SLC71A2: variants seen among roughly 807,000 people sequenced by gnomAD.
SLC71A2 encodes solute carrier family 71 member 2, also known as hippocampus abundant transcript-like 1.
the SLC71A2 span, among the ~76,000 whole-genome samples, chr9:94,413,331 G>GA: frequency 6.6e-6 from 1 of 152,118 alleles, no homozygotes. Flanking sequence ...ATTATACCAT[G>GA]GTTATAGAAG....
chr9:94,459,268 A>G, the SLC71A2 span: 5 of 1,614,190 alleles, frequency 3.1e-6, no homozygotes, highest in African/African-American at 5.3e-5. Flanking sequence ...GTGGAGTTCA[A>G]AAACACAGTA....
the SLC71A2 span, among the ~76,000 whole-genome samples, chr9:94,424,298 G>A: frequency 0.51 from 77,873 of 151,314 alleles, 20,283 homozygotes; most frequent in Admixed American, 0.61. Context: ...GCAGTGGTGC[G>A]ATCTCGGCTC....
At chr9:94,453,513 A>G in the SLC71A2 span, among the ~76,000 whole-genome samples, 2 of 152,200 alleles carry the variant, frequency 1.3e-5, no homozygotes, top group Admixed American at 6.5e-5. Context: ...AGCAGAGTAT[A>G]TATTTGTTAA....
the SLC71A2 span, among the ~76,000 whole-genome samples, chr9:94,416,069 A>G: frequency 6.6e-6 from 1 of 152,232 alleles, no homozygotes; most frequent in Non-Finnish European, 1.5e-5. Context: ...AAGAACTTGT[A>G]TGTTTCATCT....
At chr9:94,381,332 A>G in the SLC71A2 span, among the ~76,000 whole-genome samples, 1 of 149,254 alleles carries the variant, frequency 6.7e-6, no homozygotes, top group Non-Finnish European at 1.5e-5. Context: ...TACTGCCCCC[A>G]GCTGGTTTGA....
chr9:94,446,585 G>A, the SLC71A2 span, among the ~76,000 whole-genome samples: 1 of 152,074 alleles, frequency 6.6e-6, no homozygotes, highest in Admixed American at 6.5e-5. Flanking sequence ...AGATGAGTAA[G>A]TGTGTTTTGT....
chr9:94,399,552 C>T, the SLC71A2 span, among the ~76,000 whole-genome samples: 7 of 152,158 alleles, frequency 4.6e-5, no homozygotes, highest in Non-Finnish European at 1.0e-4. Context: ...TTCTTGCTTC[C>T]TTCTCTTGTT....
At chr9:94,438,926 C>G in the SLC71A2 span, among the ~76,000 whole-genome samples, 1 of 150,850 alleles carries the variant, frequency 6.6e-6, no homozygotes, top group Non-Finnish European at 1.5e-5. Context: ...GGCACTGACA[C>G]AAACATAGTT....
chr9:94,426,712 CA>C, the SLC71A2 span, among the ~76,000 whole-genome samples: 1 of 152,018 alleles, frequency 6.6e-6, no homozygotes, highest in African/African-American at 2.4e-5. Context: ...AAGCAAGTGT[CA>C]TTTTTTTCTT....
At chr9:94,417,222 A>T in the SLC71A2 span, among the ~76,000 whole-genome samples, 8 of 152,188 alleles carry the variant, frequency 5.3e-5, no homozygotes, top group Admixed American at 2.6e-4. Flanking sequence ...CACATAACAA[A>T]CTTACCATTT....
At chr9:94,405,345 A>T in the SLC71A2 span, among the ~76,000 whole-genome samples, 3 of 152,008 alleles carry the variant, frequency 2.0e-5, no homozygotes, top group African/African-American at 7.2e-5. Flanking sequence ...AATACAAAAA[A>T]TTAGCCGGGC....
the SLC71A2 span, chr9:94,451,675 G>A: frequency 2.2e-6 from 1 of 464,086 alleles, no homozygotes; most frequent in African/African-American, 2.0e-5. Context: ...GGTCTTGCAA[G>A]CTATAGTATA....
At chr9:94,449,900 C>T in the SLC71A2 span, among the ~76,000 whole-genome samples, 12 of 152,190 alleles carry the variant, frequency 7.9e-5, no homozygotes, top group African/African-American at 2.7e-4. Flanking sequence ...CAATGAAGTA[C>T]AGATACGTGC....
chr9:94,401,902 G>C, the SLC71A2 span, among the ~76,000 whole-genome samples: 2 of 150,544 alleles, frequency 1.3e-5, no homozygotes, highest in Non-Finnish European at 2.9e-5. Context: ...TTTTATGGCT[G>C]TTTCTTGATT....
chr9:94,386,274 G>A, the SLC71A2 span, among the ~76,000 whole-genome samples: 1 of 140,082 alleles, frequency 7.1e-6, no homozygotes, highest in Non-Finnish European at 1.6e-5. Flanking sequence ...TATCGTGTTT[G>A]TATCGTTTTT....
At chr9:94,453,890 A>T in the SLC71A2 span, 1 of 1,092,094 alleles carries the variant, frequency 9.2e-7, no homozygotes, top group Non-Finnish European at 1.4e-6. Context: ...GGGTCTTCAC[A>T]CACAGAGCTT....
At chr9:94,400,366 C>T in the SLC71A2 span, among the ~76,000 whole-genome samples, 1 of 151,894 alleles carries the variant, frequency 6.6e-6, no homozygotes, top group East Asian at 1.9e-4. Context: ...GGAAAGAACT[C>T]ATTGGAGACA....
At chr9:94,459,290 G>A in the SLC71A2 span, 146 of 1,613,942 alleles carry the variant, frequency 9.0e-5, no homozygotes, top group East Asian at 2.8e-3. Context: ...CAGCAGCAGC[G>A]GCAGCCTGAC....
the SLC71A2 span, among the ~76,000 whole-genome samples, chr9:94,381,028 A>AT: frequency 1.5e-5 from 1 of 65,674 alleles, no homozygotes; most frequent in East Asian, 4.7e-4. Context: ...ATTGGCTTGA[A>AT]TTTTCTTCCC....
Sources: allele counts gnomAD v4.1 joint callset (sites outside exome capture counted in the v4.1 genomes callset), GRCh38; gene constraint gnomAD v4.1.1; transcripts MANE v1.5; gene names NCBI Gene and HGNC (gene_info 2026-07-23, HGNC 2026-07-21).